Variants in FAM114A2 observed in about 807,000 individuals in gnomAD.
The protein encoded by FAM114A2 is family with sequence similarity 114 member A2.
Under a neutral mutation model 58.4 loss-of-function variants are expected in FAM114A2, and 53 were observed. The observed-to-expected ratio is 0.91, with a 90% CI of 0.73 to 1.14. FAM114A2 has a LOEUF of 1.14. Among genes scored for constraint, FAM114A2 ranks in the 50% most tolerant of loss-of-function variants. The pLI is 0.00. For missense variants in FAM114A2, 601 were observed against 581.1 expected, an observed-to-expected ratio of 1.03 and a Z score of -0.35; for synonymous variants, 228 against 211.4, an observed-to-expected ratio of 1.08 and a Z score of -0.68.
chr5:154,027,217 G>C lies in FAM114A2; in HGVS notation c.748C>G (p.Leu250Val). Reference protein sequence around the residue: ...LFDEFQGLSHLEALEMLSQES... With the variant: ...LFDEFQGLSHVEALEMLSQES... ...TGGGAAAGCATCTCCAGAGCTTCTA[G>C]ATGTGAAAGGCCTTGAAATTCATCA... Residue 250 changes from leucine to valine, a missense_variant, in exon 7 of 14, where the codon CTA becomes GTA. Physicochemically the swap from Leu to Val is conservative, Grantham distance 32 (BLOSUM62 1). Transcript: ENST00000351797. 1 of 1,613,438 alleles carries C rather than the reference G, an allele frequency of 6.2e-7. No homozygotes were observed. Among genetic ancestry groups the C allele is most frequent in the South Asian group, 1.1e-5 (1 of 90,996 alleles).
intron 8 of FAM114A2, among the ~76,000 whole-genome samples, chr5:154,024,470 T>C (rs1771648448): frequency 1.3e-5 from 2 of 152,144 alleles, no homozygotes; most frequent in Admixed American, 1.3e-4. Flanking sequence ...CTCTTTAATA[T>C]CTAGTTTAAC....
chr5:154,026,507 T>G lies in FAM114A2; in HGVS notation c.805A>C (p.Asn269His). The G allele has an allele frequency of 6.5e-7, 1 of 1,530,312 alleles. No homozygotes were observed. Among genetic ancestry groups the G allele is most frequent in the Non-Finnish European group, 8.8e-7 (1 of 1,140,034 alleles). 94.8% of individuals were successfully genotyped at this position (1,530,312 alleles called of 1,614,324 possible). Residue 269 changes from asparagine (N) to histidine (H), a missense_variant, in exon 8 of 14, where the codon AAT becomes CAT. Asn to His is a moderately conservative substitution (Grantham distance 68, BLOSUM62 1). Coordinates refer to ENST00000351797, the MANE Select transcript of FAM114A2 (RefSeq NM_018691.4). ...ESEIKVKSILNSLSGEELETL... is the reference protein window; with the variant it reads ...ESEIKVKSILHSLSGEELETL... Reference sequence around the variant, plus strand: ...TCTAATTCTTCTCCACTCAGAGAATTAAGGATAGATTTCACCTGAATGGAT... The same window carrying G: ...TCTAATTCTTCTCCACTCAGAGAATGAAGGATAGATTTCACCTGAATGGAT...
rs1769203073 is a variant in FAM114A2 at position 153,990,197 on chromosome 5, GAATTCAGGTTTAA to G, written c.*2766_*2778del. ...TTTATTCTGGGTTTTCTAAACTGAA[GAATTCAGGTTTAA>G]AATTCAGAACACCTCTAGAAATACA... On this transcript the variant is annotated 3_prime_UTR_variant, in exon 14 of 14. Coordinates refer to ENST00000351797, the MANE Select transcript of FAM114A2 (RefSeq NM_018691.4). The G allele has an allele frequency of 1.3e-5, 2 of 152,138 alleles. No individual in the cohort carries two copies. The highest frequency in any genetic ancestry group is 3.8e-4 in the East Asian group (2 of 5,204). 9.4% of individuals were successfully genotyped at this position (152,138 alleles called of 1,614,324 possible). A position where few individuals can be genotyped will look rare whatever the true frequency, so the allele number is the denominator to read the frequency against.
chr5:154,018,864 T>G (rs187690390), intron 8 of FAM114A2, among the ~76,000 whole-genome samples: 56 of 152,324 alleles, frequency 3.7e-4, no homozygotes, highest in African/African-American at 1.3e-3. Context: ...GCATCCTTTA[T>G]GATTAAAACT....
Position 154,002,878 on chromosome 5 carries a change from T to A in FAM114A2, c.1085A>T (p.Asn362Ile), listed in dbSNP as rs146379598. 1.4e-5 allele frequency: 23 copies of A among 1,614,012 alleles called. No individual in the cohort carries two copies. The highest frequency in any genetic ancestry group is 1.9e-5 in the Non-Finnish European group (23 of 1,179,982). ...EEGEKQSEAE[N>I]TEQVNKNSIE... ...TGAATTTTTGTTGACTTGCTCAGTA[T>A]TTTCTGCTTCCGACTGTTTTTCTCC... Residue 362 changes from asparagine (N) to isoleucine (I), a missense_variant, in exon 10 of 14, where the codon AAT (asparagine) becomes ATT (isoleucine). Physicochemically the swap from Asn to Ile is moderately radical, Grantham distance 149. Transcript: ENST00000351797.
chr5:154,031,044 G>T (rs772539006), intron 4 of FAM114A2, among the ~76,000 whole-genome samples: 7 of 152,082 alleles, frequency 4.6e-5, no homozygotes, highest in Non-Finnish European at 1.0e-4. Context: ...AGACACAGCA[G>T]CTTATACCTG....
intron 8 of FAM114A2, among the ~76,000 whole-genome samples, chr5:154,019,613 C>T (rs1205873633): frequency 6.6e-6 from 1 of 152,162 alleles, no homozygotes; most frequent in African/African-American, 2.4e-5. Flanking sequence ...GGAAGCATCA[C>T]ATTACCTGAT....
At chr5:154,018,071 C>T (rs748231959) in intron 8 of FAM114A2, among the ~76,000 whole-genome samples, 7 of 152,072 alleles carry the variant, frequency 4.6e-5, no homozygotes, top group Non-Finnish European at 8.8e-5. Context: ...AAGATCAGAA[C>T]AGAACTAAAT....
intron 8 of FAM114A2, 119 bp from the exon 9 acceptor site, chr5:154,011,439 A>G (rs766615249): frequency 4.6e-6 from 3 of 646,446 alleles, no homozygotes; most frequent in Non-Finnish European, 8.3e-6. Flanking sequence ...TAATAACAAT[A>G]GTAGCAGCAG....
chr5:154,002,446 C>T (rs1581771608), intron 10 of FAM114A2, 56 bp from the exon 11 acceptor site: 2 of 1,565,264 alleles, frequency 1.3e-6, no homozygotes, highest in Middle Eastern at 1.7e-4. Flanking sequence ...TGGAAAGATA[C>T]CACCTTACTT....
At chr5:154,037,640 T>C (rs1772667653) in intron 1 of FAM114A2, among the ~76,000 whole-genome samples, 1 of 152,186 alleles carries the variant, frequency 6.6e-6, no homozygotes, top group Non-Finnish European at 1.5e-5. Flanking sequence ...ATATACAGTA[T>C]ACTATATGTA....
Position 154,026,385 on chromosome 5 carries a change from A to G in FAM114A2, c.913+14T>C, listed in dbSNP as rs373739226. 1.4e-5 allele frequency: 22 copies of G among 1,543,468 alleles called. No homozygotes were observed. Among genetic ancestry groups the G allele is most frequent in the Non-Finnish European group, 1.8e-5 (21 of 1,148,858 alleles). ...CTGCATCCTCTCCACTCAGATACTAAATTTTCATATTACCTTTTTTCTCTT... is the reference window on the plus strand; with the variant it reads ...CTGCATCCTCTCCACTCAGATACTAGATTTTCATATTACCTTTTTTCTCTT... On this transcript the variant is annotated intron_variant, in intron 8 of 13. Transcript: ENST00000351797.
At chr5:153,993,374 G>A (rs1437985102) in intron 13 of FAM114A2, among the ~76,000 whole-genome samples, 1 of 152,118 alleles carries the variant, frequency 6.6e-6, no homozygotes, top group African/African-American at 2.4e-5. Flanking sequence ...TTGGCAACAT[G>A]GTCAGACTTG....
intron 8 of FAM114A2, among the ~76,000 whole-genome samples, chr5:154,020,381 A>G (rs750175367): frequency 3.9e-5 from 6 of 152,218 alleles, no homozygotes; most frequent in Non-Finnish European, 7.3e-5. Flanking sequence ...TGCAAAGATC[A>G]ACAAAATTGA....
At chr5:154,003,179 A>T (rs555493) in intron 9 of FAM114A2, among the ~76,000 whole-genome samples, 93,459 of 144,620 alleles carry the variant, frequency 0.65, 29,943 homozygotes, top group East Asian at 0.87. Context: ...AATTGGTAGT[A>T]TTTTTTTTTT....
chr5:154,011,451 A>C, intron 8 of FAM114A2, 131 bp from the exon 9 acceptor site: 1 of 622,148 alleles, frequency 1.6e-6, no homozygotes, highest in Non-Finnish European at 2.9e-6. Flanking sequence ...TAGCAGCAGT[A>C]ATGTACATGA....
chr5:154,028,002 C>A, intron 6 of FAM114A2, 147 bp downstream of exon 6: 1 of 621,536 alleles, frequency 1.6e-6, no homozygotes, highest in Non-Finnish European at 2.8e-6. Flanking sequence ...AGAGCTCTCA[C>A]CCATCCCTGA....
chr5:154,018,968 A>T (rs1321045422), intron 8 of FAM114A2, among the ~76,000 whole-genome samples: 1 of 152,204 alleles, frequency 6.6e-6, no homozygotes, highest in Non-Finnish European at 1.5e-5. Flanking sequence ...AATGGAGAGA[A>T]GTTGAAAGCA....
intron 13 of FAM114A2, 80 bp downstream of exon 13, chr5:153,994,835 TAAAA>T: frequency 1.2e-6 from 1 of 865,822 alleles, no homozygotes; most frequent in South Asian, 1.4e-5. Flanking sequence ...GTGAATAAAA[TAAAA>T]AAGCCAAAAG....
Sources: gnomAD v4.1 joint callset for allele counts (sites outside exome capture counted in the v4.1 genomes callset) on GRCh38, gnomAD v4.1.1 for gene constraint, MANE v1.5 for transcripts, NCBI Gene and HGNC (gene_info 2026-07-23, HGNC 2026-07-21) for gene names.